Variants in NAV3 observed in about 807,000 individuals in gnomAD.
NAV3 encodes neuron navigator 3, also known as pore membrane and/or filament interacting like protein 1.
NAV3 carries 87 observed loss-of-function variants against 244.7 expected under a neutral mutation model. That is an observed-to-expected ratio of 0.36 (90% CI 0.30 to 0.42). The LOEUF (loss-of-function observed/expected upper bound fraction) is 0.42. NAV3 is among the 20% of genes least tolerant of loss of function. NAV3 has a pLI of 1.00. For synonymous variants in NAV3, 1,126 were observed against 1,042.2 expected (o/e 1.08, Z -1.55); for missense variants, 2,663 against 2,893.3 (o/e 0.92, Z 1.83).
intron 2 of NAV3, among the ~76,000 whole-genome samples, chr12:77,653,703 ATGTATAGTGCAGTACTTC>A (rs747621749): frequency 8.5e-4 from 129 of 152,288 alleles, no homozygotes; most frequent in Non-Finnish European, 1.0e-3. Flanking sequence ...TATATTGCCA[ATGTATAGTGCAGTACTTC>A]TGGGTGAATA....
rs544677777 is a variant in NAV3 at position 78,029,821 on chromosome 12, G to A, written c.2023+7959G>A. 2.0e-5 allele frequency among the ~76,000 whole-genome samples: 3 copies of A among 152,122 alleles called. No homozygotes were observed. In the South Asian group the frequency reaches 6.2e-4, roughly 32 times the overall value. ...TAATGCTATGTCATATTTTTTATTG[G>A]TAAGTACTTATGTATAAATAATTGC... On this transcript the variant is annotated intron_variant, in intron 9 of 39. Transcript: ENST00000397909.
chr12:77,914,004 A>G (rs1176596748), intron 1 of NAV3, among the ~76,000 whole-genome samples: 2 of 151,774 alleles, frequency 1.3e-5, no homozygotes, highest in African/African-American at 4.8e-5. Context: ...GTGGATCTTA[A>G]TCATATCCAC....
At chr12:78,191,720 G>A (rs977759365) in intron 34 of NAV3, among the ~76,000 whole-genome samples, 8 of 152,068 alleles carry the variant, frequency 5.3e-5, no homozygotes, top group Admixed American at 5.2e-4. Flanking sequence ...CATGTTTAAT[G>A]CTTCCTGTGA....
intron 2 of NAV3, among the ~76,000 whole-genome samples, chr12:77,619,191 A>T (rs1874818732): frequency 6.6e-6 from 1 of 152,192 alleles, no homozygotes; most frequent in Non-Finnish European, 1.5e-5. Flanking sequence ...GCCAACCGTG[A>T]TTCTTTGTGC....
chr12:77,858,311 G>C (rs12578129), intron 1 of NAV3, among the ~76,000 whole-genome samples: 63,537 of 151,788 alleles, frequency 0.42, 14,366 homozygotes, highest in Non-Finnish European at 0.5. Context: ...GGGTTTAAGC[G>C]GAATTGGGTT....
intron 1 of NAV3, among the ~76,000 whole-genome samples, chr12:77,872,063 T>C (rs1412533390): frequency 6.6e-6 from 1 of 152,234 alleles, no homozygotes; most frequent in Non-Finnish European, 1.5e-5. Flanking sequence ...TTTTCATATG[T>C]TCGTCGGCTG....
chr12:77,647,275 A>G (rs17793791), intron 2 of NAV3, among the ~76,000 whole-genome samples: 3,776 of 152,240 alleles, frequency 0.025, 61 homozygotes, highest in Middle Eastern at 0.082. Context: ...TAGAGGAGTA[A>G]CATTTCTTGG....
Position 78,119,269 on chromosome 12 carries a change from G to A in NAV3, c.3073G>A (p.Gly1025Arg), listed in dbSNP as rs2138599870. ...KTDDAKASEK[G>R]KAPLKGSSLQ... ...CGATGATGCCAAAGCTTCTGAGAAA[G>A]GAAAAGCTCCCCTAAAAGGATCATC... is the stretch of plus-strand genomic sequence containing the variant. The change falls in exon 15 of 40, where the codon GGA (glycine) becomes AGA (arginine). Residue 1025 changes from glycine (G) to arginine (R), a missense_variant. Physicochemically the swap from Gly to Arg is moderately radical, Grantham distance 125 (BLOSUM62 -2). This residue lies in a region of NAV3 where 1,521 missense variants were observed against 1,497.0 expected (regional missense o/e 1.02). Coordinates refer to ENST00000397909, the MANE Select transcript of NAV3 (RefSeq NM_001024383.2). 2 of 1,613,290 alleles carry A rather than the reference G, an allele frequency of 1.2e-6. No individual in the cohort carries two copies. Among genetic ancestry groups the A allele is most frequent in the Non-Finnish European group, 1.7e-6 (2 of 1,179,790 alleles).
chr12:78,072,971 T>C (rs1952854769), intron 12 of NAV3, among the ~76,000 whole-genome samples: 1 of 144,330 alleles, frequency 6.9e-6, no homozygotes, highest in South Asian at 2.4e-4. Context: ...AAAAAGCCTT[T>C]GACAAAATTC....
chr12:77,763,862 T>A (rs1869612133), intron 2 of NAV3, among the ~76,000 whole-genome samples: 1 of 152,140 alleles, frequency 6.6e-6, no homozygotes. Flanking sequence ...CAGTCTGAAT[T>A]TAAAACACCC....
At chr12:77,946,851 A>AT (rs898266746) in intron 3 of NAV3, among the ~76,000 whole-genome samples, 1 of 152,178 alleles carries the variant, frequency 6.6e-6, no homozygotes. Context: ...CATTTAAAAC[A>AT]TTTTTTAAAT....
At chr12:77,604,799 G>T (rs1219454777) in intron 2 of NAV3, among the ~76,000 whole-genome samples, 1 of 152,036 alleles carries the variant, frequency 6.6e-6, no homozygotes, top group African/African-American at 2.4e-5. Context: ...TTCCAATTAG[G>T]TTGGGGATAT....
At chr12:77,880,821 T>C (rs1882541124) in intron 1 of NAV3, among the ~76,000 whole-genome samples, 3 of 152,152 alleles carry the variant, frequency 2.0e-5, no homozygotes, top group Admixed American at 2.0e-4. Flanking sequence ...CCTCGGTGTG[T>C]AGTGGGCTGT....
intron 20 of NAV3, among the ~76,000 whole-genome samples, chr12:78,142,805 G>A (rs968282093): frequency 1.3e-5 from 2 of 150,406 alleles, no homozygotes; most frequent in Non-Finnish European, 3.0e-5. Context: ...GTAAAGAATG[G>A]ATTAGGTGAT....
intron 11 of NAV3, among the ~76,000 whole-genome samples, chr12:78,052,877 A>G (rs1179861419): frequency 3.9e-5 from 6 of 152,062 alleles, no homozygotes; most frequent in African/African-American, 1.4e-4. Flanking sequence ...AAATATATTT[A>G]TATGGCTAAT....
intron 3 of NAV3, among the ~76,000 whole-genome samples, chr12:77,953,334 G>A (rs1891074679): frequency 1.3e-5 from 2 of 151,976 alleles, no homozygotes; most frequent in African/African-American, 4.8e-5. Context: ...CTCCATATTA[G>A]GAAGAGTATG....
chr12:77,993,921 T>G (rs1871876788), intron 5 of NAV3, among the ~76,000 whole-genome samples: 1 of 152,194 alleles, frequency 6.6e-6, no homozygotes, highest in Admixed American at 6.5e-5. Flanking sequence ...TCACAGGGTG[T>G]GTGCACATGT....
intron 36 of NAV3, chr12:78,199,077 GCATTTAGACTCCCACTCA>G (rs2140004779): frequency 3.4e-6 from 2 of 591,594 alleles, no homozygotes; most frequent in Non-Finnish European, 6.3e-6. Flanking sequence ...AGAGTGATCA[GCATTTAGACTCCCACTCA>G]CTTCTGACGC....
intron 2 of NAV3, among the ~76,000 whole-genome samples, chr12:77,716,436 T>C (rs1388702980): frequency 6.6e-6 from 1 of 151,920 alleles, no homozygotes; most frequent in Admixed American, 6.6e-5. Flanking sequence ...GGCATAATAT[T>C]GTTCAGAGTA....
Sources: gnomAD v4.1 joint callset for allele counts (sites outside exome capture counted in the v4.1 genomes callset) on GRCh38, gnomAD v4.1.1 for gene constraint, gnomAD v4.1.1 regional missense constraint, MANE v1.5 for transcripts, NCBI Gene and HGNC (gene_info 2026-07-23, HGNC 2026-07-21) for gene names.